STK32B: variants seen among roughly 807,000 people sequenced by gnomAD.
STK32B encodes the protein serine/threonine-protein kinase 32B.
STK32B carries 43 observed loss-of-function variants against 52.6 expected under a neutral mutation model. The observed-to-expected ratio is 0.82, with a 90% confidence interval of 0.64 to 1.05. The LOEUF is 1.05. STK32B is among the 50% of genes least tolerant of loss of function. The pLI is 0.00. For synonymous variants in STK32B, 238 were observed against 204.3 expected (o/e 1.17, Z -1.41); for missense variants, 621 against 534.6 (o/e 1.16, Z -1.59).
intron 2 of STK32B, among the ~76,000 whole-genome samples, chr4:5,162,557 C>A (rs985606540): frequency 2.6e-5 from 4 of 152,150 alleles, no homozygotes; most frequent in African/African-American, 9.7e-5. Flanking sequence ...AGCTGAAATC[C>A]GTGCTAGCTA....
intron 7 of STK32B, 182 bp downstream of exon 7, chr4:5,446,958 A>G (rs1715510537): frequency 8.7e-6 from 5 of 577,542 alleles, no homozygotes; most frequent in Middle Eastern, 4.7e-4. Context: ...TTCTGGTCCA[A>G]CCCACTCATT....
intron 3 of STK32B, among the ~76,000 whole-genome samples, chr4:5,290,402 C>G (rs1728823819): frequency 6.6e-6 from 1 of 151,872 alleles, no homozygotes; most frequent in African/African-American, 2.4e-5. Context: ...TCTATTTCTG[C>G]CTACATTTTT....
chr4:5,476,354 C>T (rs112869070), intron 11 of STK32B, among the ~76,000 whole-genome samples: 257 of 152,238 alleles, frequency 1.7e-3, no homozygotes, highest in African/African-American at 5.9e-3. Context: ...TTCTAATGCT[C>T]ACTTTTAATT....
chr4:5,168,912 C>G (rs1251931718), intron 3 of STK32B, among the ~76,000 whole-genome samples: 1 of 152,180 alleles, frequency 6.6e-6, no homozygotes, highest in East Asian at 1.9e-4. Flanking sequence ...CCTGCCATCA[C>G]CCATGTTTCA....
At chr4:5,342,734 G>T (rs1253493173) in intron 4 of STK32B, among the ~76,000 whole-genome samples, 2 of 152,136 alleles carry the variant, frequency 1.3e-5, no homozygotes, top group African/African-American at 2.4e-5. Flanking sequence ...AATTCTCTAA[G>T]GGCAGGCACT....
At chr4:5,166,005 T>C (rs55808550) in intron 2 of STK32B, among the ~76,000 whole-genome samples, 8,428 of 152,218 alleles carry the variant, frequency 0.055, 432 homozygotes, top group Admixed American at 0.16. Context: ...TTCAGAAATA[T>C]GCGGAGACTG....
At chr4:5,352,786 G>T (rs1202634944) in intron 4 of STK32B, among the ~76,000 whole-genome samples, 1 of 151,760 alleles carries the variant, frequency 6.6e-6, no homozygotes, top group East Asian at 1.9e-4. Flanking sequence ...CATCAGTTTC[G>T]ATTCATCAAT....
At chr4:5,158,894 AGGT>A (rs1718084439) in intron 2 of STK32B, among the ~76,000 whole-genome samples, 1 of 152,146 alleles carries the variant, frequency 6.6e-6, no homozygotes, top group Non-Finnish European at 1.5e-5. Flanking sequence ...TCGCATCCTG[AGGT>A]GCTAGGGGTT....
chr4:5,387,212 G>A (rs922949469), intron 4 of STK32B, among the ~76,000 whole-genome samples: 4 of 152,194 alleles, frequency 2.6e-5, no homozygotes. Context: ...GGCCTTGTAC[G>A]GAAGCCTGGG....
At chr4:5,226,578 C>G (rs947863938) in intron 3 of STK32B, among the ~76,000 whole-genome samples, 2 of 152,206 alleles carry the variant, frequency 1.3e-5, no homozygotes, top group East Asian at 1.9e-4. Context: ...GCTATCTGCT[C>G]ATTAGTCACT....
At chr4:5,486,141 G>A (rs1172954507) in intron 11 of STK32B, among the ~76,000 whole-genome samples, 1 of 152,208 alleles carries the variant, frequency 6.6e-6, no homozygotes, top group Non-Finnish European at 1.5e-5. Context: ...TAAGTCTGCA[G>A]AGGATTCTGC....
chr4:5,467,897 A>G lies in STK32B; in HGVS notation c.1042-109A>G. On this transcript the variant is annotated intron_variant, in intron 10 of 11. Coordinates refer to ENST00000282908, the MANE Select transcript of STK32B (RefSeq NM_018401.3). This position sits in a 1 kb window ranked among gnomAD's most constrained non-coding sequence, Gnocchi z 5.8. Reference sequence around the variant, plus strand: ...CTTAGCTTGGCTTGTCCCGGTCCCAAGCATCTGAGGTTTCCATCTAGGTCA... The same window carrying G: ...CTTAGCTTGGCTTGTCCCGGTCCCAGGCATCTGAGGTTTCCATCTAGGTCA... 1.6e-6 allele frequency: 2 copies of G among 1,262,274 alleles called. No individual in the cohort carries two copies. Among genetic ancestry groups the G allele is most frequent in the East Asian group, 4.7e-5 (2 of 42,976 alleles). The allele number at this position is 1,262,274 out of a possible 1,614,324, so 78.2% of individuals were successfully genotyped here. A position where few individuals can be genotyped will look rare whatever the true frequency, so the allele number is the denominator to read the frequency against.
chr4:5,055,648 C>T (rs1346328622), intron 1 of STK32B, among the ~76,000 whole-genome samples: 1 of 152,122 alleles, frequency 6.6e-6, no homozygotes, highest in Non-Finnish European at 1.5e-5. Flanking sequence ...GAGACTGCAC[C>T]TTCCTCTGTC....
intron 1 of STK32B, among the ~76,000 whole-genome samples, chr4:5,094,704 A>C (rs952876199): frequency 6.6e-6 from 1 of 152,144 alleles, no homozygotes; most frequent in African/African-American, 2.4e-5. Context: ...ATATGTGTTA[A>C]TCTATGGTTT....
intron 3 of STK32B, among the ~76,000 whole-genome samples, chr4:5,182,466 T>C (rs1356421681): frequency 6.6e-6 from 1 of 151,950 alleles, no homozygotes; most frequent in Admixed American, 6.6e-5. Flanking sequence ...TTTTTTCCTT[T>C]TTTTTTGTTT....
chr4:5,274,624 G>A (rs7693216), intron 3 of STK32B, among the ~76,000 whole-genome samples: 13,031 of 152,214 alleles, frequency 0.086, 1,494 homozygotes, highest in African/African-American at 0.26. Context: ...AGAGCACAGC[G>A]GGAGGGACAA....
chr4:5,162,446 C>G (rs2108727650), intron 2 of STK32B, among the ~76,000 whole-genome samples: 1 of 152,300 alleles, frequency 6.6e-6, no homozygotes, highest in East Asian at 1.9e-4. Flanking sequence ...AGGTGTGTTG[C>G]AGGTTCTCAG....
intron 6 of STK32B, among the ~76,000 whole-genome samples, chr4:5,430,483 A>G (rs746311608): frequency 2.0e-5 from 3 of 152,152 alleles, no homozygotes; most frequent in Non-Finnish European, 2.9e-5. Flanking sequence ...CCGCCTTTCC[A>G]CTAAAGCCTT....
chr4:5,227,243 G>A (rs984524116), intron 3 of STK32B, among the ~76,000 whole-genome samples: 2 of 152,118 alleles, frequency 1.3e-5, no homozygotes, highest in African/African-American at 4.8e-5. Flanking sequence ...TACAGAATCC[G>A]AAATCATGTC....
Sources: allele counts gnomAD v4.1 joint callset (sites outside exome capture counted in the v4.1 genomes callset), GRCh38; gene constraint gnomAD v4.1.1; non-coding constraint Gnocchi (gnomAD v3.1); transcripts MANE v1.5; gene names NCBI Gene and HGNC (gene_info 2026-07-23, HGNC 2026-07-21).